The following AKAP6 variants were observed in gnomAD, a reference collection of about 807,000 sequenced individuals.
AKAP6 encodes the protein A-kinase anchoring protein 6.
In AKAP6, 58 loss-of-function variants were observed where a neutral mutation model predicts 188.5. That is an observed-to-expected ratio of 0.31 (90% CI 0.25 to 0.38). The LOEUF (loss-of-function observed/expected upper bound fraction) is 0.38, where lower values mean the gene tolerates loss of function less well. Among genes scored for constraint, AKAP6 ranks in the 10% least tolerant of loss-of-function variants. AKAP6 has a pLI of 1.00. For missense variants in AKAP6, 2,710 were observed against 2,740.0 expected (o/e 0.99, Z 0.24); for synonymous variants, 989 against 998.6 (o/e 0.99, Z 0.18).
chr14:32,796,671 A>C (rs959201083), intron 12 of AKAP6, among the ~76,000 whole-genome samples: 2 of 152,348 alleles, frequency 1.3e-5, no homozygotes, highest in South Asian at 4.1e-4. Context: ...ACCCAAAACT[A>C]TAAAAACGCT....
intron 1 of AKAP6, among the ~76,000 whole-genome samples, chr14:32,369,229 T>C (rs922245335): frequency 6.6e-6 from 1 of 152,094 alleles, no homozygotes; most frequent in African/African-American, 2.4e-5. Context: ...TGAATGGATC[T>C]GAGAAGCTCT....
intron 9 of AKAP6, among the ~76,000 whole-genome samples, chr14:32,706,711 A>T (rs1343703819): frequency 6.6e-6 from 1 of 152,094 alleles, no homozygotes; most frequent in African/African-American, 2.4e-5. Flanking sequence ...CACTTCTGTG[A>T]CACTCTATCC....
intron 9 of AKAP6, among the ~76,000 whole-genome samples, chr14:32,731,824 A>C (rs2031189917): frequency 6.6e-6 from 1 of 152,040 alleles, no homozygotes; most frequent in South Asian, 2.1e-4. Flanking sequence ...AGTTTGTTAG[A>C]ATATAATACA....
In AKAP6 at chr14:32,807,938, C is replaced by G. The variant is rs150731247; in HGVS notation, c.3589-13464C>G. Among the ~76,000 whole-genome samples the G allele has an allele frequency of 2.0e-5, 3 of 152,316 alleles. No individual in the cohort carries two copies. In the East Asian group the frequency reaches 5.8e-4, roughly 29 times the overall value. ...TTGAGAAAGAGTGGTCATAATAACA[C>G]TGTACCTGTAAAGATTAAAGGACTA... On this transcript the variant is annotated intron_variant, in intron 12 of 13. Transcript: ENST00000280979.
chr14:32,745,286 G>A (rs2139879894), intron 11 of AKAP6, among the ~76,000 whole-genome samples: 1 of 152,176 alleles, frequency 6.6e-6, no homozygotes, highest in Non-Finnish European at 1.5e-5. Context: ...AGGGTGTTGT[G>A]ATCTATGCTG....
chr14:32,596,074 G>A (rs1397758493), intron 5 of AKAP6, among the ~76,000 whole-genome samples: 1 of 152,032 alleles, frequency 6.6e-6, no homozygotes, highest in African/African-American at 2.4e-5. Context: ...AGTGCACCTG[G>A]CAAAACTAAC....
At position 32,329,318 on chromosome 14, in the gene AKAP6, A is replaced by T. The variant is rs570575900; in HGVS notation, c.-125A>T. 6.6e-6 allele frequency: 1 copy of T among 152,164 alleles called. No homozygotes were observed. The highest frequency in any genetic ancestry group is 1.5e-5 in the Non-Finnish European group (1 of 68,002). The allele number at this position is 152,164 out of a possible 1,614,324, so 9.4% of individuals were successfully genotyped here. ...GCATCATCTGAACTGATGTCACAGC[A>T]TCATGCAGCAGGTCAAACAAGGCAT... On this transcript the variant is annotated 5_prime_UTR_variant, in exon 1 of 14. Transcript: ENST00000280979.
chr14:32,810,668 A>G (rs1279265337), intron 12 of AKAP6, among the ~76,000 whole-genome samples: 4 of 152,224 alleles, frequency 2.6e-5, no homozygotes, highest in Non-Finnish European at 5.9e-5. Flanking sequence ...TAACTTGTGA[A>G]CTTCCCAGTC....
chr14:32,697,566 T>G (rs930138347), intron 9 of AKAP6, among the ~76,000 whole-genome samples: 2 of 152,184 alleles, frequency 1.3e-5, no homozygotes, highest in African/African-American at 4.8e-5. Context: ...TCCCTAAGAC[T>G]TAAGTATTAA....
chr14:32,705,990 A>G (rs753203660), intron 9 of AKAP6, among the ~76,000 whole-genome samples: 1 of 152,118 alleles, frequency 6.6e-6, no homozygotes, highest in African/African-American at 2.4e-5. Context: ...CATGGCCACA[A>G]CCAACTTCAA....
intron 2 of AKAP6, among the ~76,000 whole-genome samples, chr14:32,512,003 T>A (rs1881286738): frequency 2.0e-5 from 3 of 152,198 alleles, no homozygotes; most frequent in Admixed American, 6.5e-5. Context: ...AGCTCAGTTG[T>A]CCCTCATTTT....
chr14:32,817,571 A>C (rs1024800291), intron 12 of AKAP6, among the ~76,000 whole-genome samples: 1 of 151,820 alleles, frequency 6.6e-6, no homozygotes, highest in Non-Finnish European at 1.5e-5. Context: ...GTACCCATGC[A>C]GCAAGTCTAT....
At chr14:32,767,105 T>G (rs1181529386) in intron 11 of AKAP6, among the ~76,000 whole-genome samples, 1 of 152,176 alleles carries the variant, frequency 6.6e-6, no homozygotes, top group Non-Finnish European at 1.5e-5. Flanking sequence ...TTAATTTTAC[T>G]TATTTTATTG....
chr14:32,825,900 T>C (rs775790728), intron 13 of AKAP6, among the ~76,000 whole-genome samples: 1 of 152,226 alleles, frequency 6.6e-6, no homozygotes, highest in Non-Finnish European at 1.5e-5. Flanking sequence ...CTAAAGATTA[T>C]CTTTTTTGTG....
At chr14:32,825,778 C>T (rs2034658863) in intron 13 of AKAP6, among the ~76,000 whole-genome samples, 1 of 152,120 alleles carries the variant, frequency 6.6e-6, no homozygotes, top group Non-Finnish European at 1.5e-5. Flanking sequence ...CCACCCCCCA[C>T]TCCAGAAGCT....
chr14:32,538,089 T>A (rs192555318), intron 3 of AKAP6, among the ~76,000 whole-genome samples: 2 of 152,342 alleles, frequency 1.3e-5, no homozygotes, highest in Admixed American at 1.3e-4. Flanking sequence ...TATGGATATA[T>A]TTCTATGAAT....
At chr14:32,679,742 T>C (rs2139643887) in intron 8 of AKAP6, among the ~76,000 whole-genome samples, 1 of 152,322 alleles carries the variant, frequency 6.6e-6, no homozygotes. Context: ...GTTTTCACAT[T>C]TACCTATTTC....
intron 11 of AKAP6, among the ~76,000 whole-genome samples, chr14:32,761,897 C>G (rs529982890): frequency 6.6e-6 from 1 of 152,132 alleles, no homozygotes; most frequent in African/African-American, 2.4e-5. Flanking sequence ...AACAAATAAT[C>G]TAGAGAAGGA....
intron 4 of AKAP6, among the ~76,000 whole-genome samples, chr14:32,557,352 C>T (rs1356620766): frequency 1.3e-5 from 2 of 152,192 alleles, no homozygotes; most frequent in African/African-American, 4.8e-5. Flanking sequence ...CCATCTTGGC[C>T]TCCTAAAGTG....
Sources: gnomAD v4.1 joint callset for allele counts (sites outside exome capture counted in the v4.1 genomes callset) on GRCh38, gnomAD v4.1.1 for gene constraint, MANE v1.5 for transcripts, NCBI Gene and HGNC (gene_info 2026-07-23, HGNC 2026-07-21) for gene names.